The following SNTG1 variants were observed in gnomAD, a reference collection of about 807,000 sequenced individuals.
SNTG1 encodes the protein gamma-1-syntrophin.
In SNTG1, 39 loss-of-function variants were observed where a neutral mutation model predicts 74.7. That is an observed-to-expected ratio of 0.52 (90% CI 0.40 to 0.68). The LOEUF (loss-of-function observed/expected upper bound fraction) is 0.68, where lower values mean the gene tolerates loss of function less well. SNTG1 is among the 30% of genes least tolerant of loss of function. The pLI is 0.00. For missense variants in SNTG1, 685 were observed against 609.5 expected (o/e 1.12, Z -1.30); for synonymous variants, 254 against 217.1 (o/e 1.17, Z -1.49).
At chr8:50,554,949 T>C (rs1294037063) in intron 12 of SNTG1, among the ~76,000 whole-genome samples, 1 of 152,122 alleles carries the variant, frequency 6.6e-6, no homozygotes, top group Non-Finnish European at 1.5e-5. Context: ...CAAATTTGCA[T>C]TGACCTAAAA....
chr8:50,676,932 G>T (rs1349738295), intron 15 of SNTG1, among the ~76,000 whole-genome samples: 1 of 151,798 alleles, frequency 6.6e-6, no homozygotes, highest in African/African-American at 2.4e-5. Flanking sequence ...ATCTCATTAA[G>T]AATTTAATAT....
At chr8:50,644,928 T>C (rs539229956) in intron 13 of SNTG1, among the ~76,000 whole-genome samples, 128 of 151,836 alleles carry the variant, frequency 8.4e-4, no homozygotes, top group African/African-American at 2.9e-3. Context: ...GCTTTTTTTT[T>C]TTTTTTTTCC....
chr8:50,624,676 T>G (rs1426972677), intron 13 of SNTG1, among the ~76,000 whole-genome samples: 2 of 152,280 alleles, frequency 1.3e-5, no homozygotes, highest in Non-Finnish European at 2.9e-5. Flanking sequence ...TTTTGTGAAC[T>G]AACCTCCATT....
At chr8:50,033,527 T>C (rs917103026) in intron 1 of SNTG1, among the ~76,000 whole-genome samples, 1 of 152,186 alleles carries the variant, frequency 6.6e-6, no homozygotes, top group Non-Finnish European at 1.5e-5. Context: ...GATTAAACAA[T>C]GGAAATTTAT....
intron 2 of SNTG1, among the ~76,000 whole-genome samples, chr8:50,253,502 T>C (rs1432646741): frequency 6.6e-6 from 1 of 151,962 alleles, no homozygotes; most frequent in Non-Finnish European, 1.5e-5. Flanking sequence ...GGAAATGAAA[T>C]TGGTATGTCA....
chr8:49,963,636 G>A (rs1585681832), intron 1 of SNTG1, among the ~76,000 whole-genome samples: 1 of 152,260 alleles, frequency 6.6e-6, no homozygotes, highest in South Asian at 2.1e-4. Flanking sequence ...TCAGCTGGGT[G>A]GAATTCAGTC....
intron 2 of SNTG1, among the ~76,000 whole-genome samples, chr8:50,232,516 T>TTGAG (rs1480588382): frequency 2.0e-5 from 3 of 151,464 alleles, no homozygotes; most frequent in African/African-American, 7.2e-5. Flanking sequence ...ATCTTTACCC[T>TTGAG]TGAGTTTAGA....
At chr8:50,450,764 C>G (rs2093448780) in intron 8 of SNTG1, 35 bp downstream of exon 8, 2 of 1,603,398 alleles carry the variant, frequency 1.2e-6, no homozygotes, top group Non-Finnish European at 1.7e-6. Flanking sequence ...ATAGTTTTCC[C>G]CATGTGCAAA....
chr8:50,570,799 T>C (rs909730930), intron 12 of SNTG1, among the ~76,000 whole-genome samples: 2 of 151,458 alleles, frequency 1.3e-5, no homozygotes, highest in Admixed American at 1.3e-4. Context: ...AGAGACAGGG[T>C]TTCACCACGT....
intron 2 of SNTG1, among the ~76,000 whole-genome samples, chr8:50,234,213 C>T (rs916622119): frequency 1.3e-5 from 2 of 151,880 alleles, no homozygotes; most frequent in African/African-American, 2.4e-5. Flanking sequence ...GATATACTTT[C>T]ATCAGTAAAA....
At chr8:50,732,037 GTA>G (rs2095514090) in intron 17 of SNTG1, among the ~76,000 whole-genome samples, 1 of 151,826 alleles carries the variant, frequency 6.6e-6, no homozygotes, top group African/African-American at 2.4e-5. Flanking sequence ...CATCTTTGGG[GTA>G]TCCTACTGAT....
intron 1 of SNTG1, among the ~76,000 whole-genome samples, chr8:50,086,114 C>T (rs1478725786): frequency 6.6e-6 from 1 of 152,060 alleles, no homozygotes; most frequent in East Asian, 1.9e-4. Flanking sequence ...AGGGTTAAAA[C>T]AAATGTGGAA....
intron 1 of SNTG1, among the ~76,000 whole-genome samples, chr8:50,170,832 G>A (rs920705913): frequency 2.0e-5 from 3 of 152,064 alleles, no homozygotes; most frequent in Admixed American, 2.0e-4. Flanking sequence ...GCTGGCCAAG[G>A]GCTGCTCTGG....
intron 15 of SNTG1, among the ~76,000 whole-genome samples, chr8:50,699,156 A>T (rs1485536553): frequency 1.3e-5 from 2 of 152,088 alleles, no homozygotes; most frequent in Admixed American, 6.6e-5. Flanking sequence ...GCTTTTTTTT[A>T]AAAAGGGTTC....
intron 13 of SNTG1, among the ~76,000 whole-genome samples, chr8:50,647,515 G>A (rs979276874): frequency 6.6e-6 from 1 of 151,784 alleles, no homozygotes; most frequent in African/African-American, 2.4e-5. Flanking sequence ...TTCTGTTGGG[G>A]TATTTTGCTA....
In SNTG1 at chr8:50,636,303, T is replaced by C. The variant is rs190395206; in HGVS notation, c.850-20606T>C. 1.1e-4 allele frequency among the ~76,000 whole-genome samples: 16 copies of C among 151,834 alleles called. No homozygotes were observed. In the East Asian group the frequency reaches 3.2e-3, roughly 30 times the overall value. Reference sequence around the variant, plus strand: ...CCACCCTGGCTGGTGACTCACTAGGTCATATGCCCTCAAATCCACTGGCTT... The same window carrying C: ...CCACCCTGGCTGGTGACTCACTAGGCCATATGCCCTCAAATCCACTGGCTT... On this transcript the variant is annotated intron_variant, in intron 13 of 18. Transcript: ENST00000642720.
At chr8:50,175,291 G>A (rs1031533322) in intron 2 of SNTG1, among the ~76,000 whole-genome samples, 3 of 152,176 alleles carry the variant, frequency 2.0e-5, no homozygotes, top group Non-Finnish European at 2.9e-5. Context: ...TCGCCACACC[G>A]AAGCAGCAGC....
At chr8:50,445,608 T>A (rs6983589) in intron 5 of SNTG1, among the ~76,000 whole-genome samples, 130,162 of 152,188 alleles carry the variant, frequency 0.86, 55,775 homozygotes, top group Non-Finnish European at 0.89. Flanking sequence ...TGTAAAAAGA[T>A]TATCACAAAG....
At chr8:50,606,196 A>C (rs1280176616) in intron 13 of SNTG1, among the ~76,000 whole-genome samples, 1 of 152,176 alleles carries the variant, frequency 6.6e-6, no homozygotes, top group African/African-American at 2.4e-5. Context: ...TTGTAGACTT[A>C]TTCAAGAGTA....
Sources: gnomAD v4.1 joint callset for allele counts (sites outside exome capture counted in the v4.1 genomes callset) on GRCh38, gnomAD v4.1.1 for gene constraint, MANE v1.5 for transcripts, NCBI Gene and HGNC (gene_info 2026-07-23, HGNC 2026-07-21) for gene names.